The following OTUD7B variants were observed in gnomAD, a reference collection of about 807,000 sequenced individuals.
The protein encoded by OTUD7B is OTU domain-containing protein 7B.
OTUD7B carries 34 observed loss-of-function variants against 82.2 expected under a neutral mutation model. The observed-to-expected ratio is 0.41, with a 90% CI of 0.31 to 0.55. The LOEUF (loss-of-function observed/expected upper bound fraction) is 0.55. OTUD7B is among the 20% of genes least tolerant of loss of function. The pLI is 0.20. For missense variants in OTUD7B, 944 were observed against 1,062.1 expected (o/e 0.89, Z 1.55); for synonymous variants, 398 against 402.7 (o/e 0.99, Z 0.14).
intron 7 of OTUD7B, among the ~76,000 whole-genome samples, chr1:149,951,222 C>T (rs1028314962): frequency 6.6e-6 from 1 of 152,010 alleles, no homozygotes; most frequent in Non-Finnish European, 1.5e-5. Flanking sequence ...CCGCCCGCCT[C>T]GGCCTCCCAA....
At chr1:150,054,937 A>C in the OTUD7B span, 1 of 304,048 alleles carries the variant, frequency 3.3e-6, no homozygotes. Flanking sequence ...GGACTCACAG[A>C]TTTTAACCAA....
chr1:149,989,315 A>G (rs1354266018), intron 1 of OTUD7B, among the ~76,000 whole-genome samples: 5 of 152,006 alleles, frequency 3.3e-5, no homozygotes, highest in Non-Finnish European at 5.9e-5. Flanking sequence ...TTCACTAAAA[A>G]TACAAAAATT....
intron 1 of OTUD7B, among the ~76,000 whole-genome samples, chr1:149,982,815 A>T: frequency 7.9e-6 from 1 of 126,028 alleles, no homozygotes. Flanking sequence ...CCACAACCTC[A>T]TCTCCTTCCA....
chr1:149,990,847 C>T (rs915570212), intron 1 of OTUD7B, among the ~76,000 whole-genome samples: 1 of 152,020 alleles, frequency 6.6e-6, no homozygotes, highest in East Asian at 1.9e-4. Flanking sequence ...AAAAATTAGC[C>T]AGGCATGGTG....
chr1:149,962,319 A>G (rs1382143563), intron 6 of OTUD7B: 1 of 152,160 alleles, frequency 6.6e-6, no homozygotes, highest in Non-Finnish European at 1.5e-5. Context: ...GGAAATCAAA[A>G]CTTATTTAGT....
the OTUD7B span, among the ~76,000 whole-genome samples, chr1:150,060,591 A>G: frequency 2.8e-4 from 42 of 152,234 alleles, no homozygotes; most frequent in African/African-American, 1.0e-3. Context: ...AGCATCTGAC[A>G]TACAAGATAT....
At chr1:150,065,175 G>A in the OTUD7B span, among the ~76,000 whole-genome samples, 1 of 151,886 alleles carries the variant, frequency 6.6e-6, no homozygotes, top group African/African-American at 2.4e-5. Context: ...GGGCTCAGGT[G>A]ATCCTCCCAT....
intron 1 of OTUD7B, among the ~76,000 whole-genome samples, chr1:150,008,747 G>T (rs987751818): frequency 1.3e-5 from 2 of 152,160 alleles, no homozygotes; most frequent in African/African-American, 2.4e-5. Flanking sequence ...TTGGCAGAAA[G>T]GTGGTGATAA....
intron 7 of OTUD7B, among the ~76,000 whole-genome samples, chr1:149,955,987 C>T (rs923185549): frequency 3.9e-5 from 6 of 152,104 alleles, no homozygotes; most frequent in Non-Finnish European, 5.9e-5. Context: ...ACTCTTTATC[C>T]AATTTGCCAG....
At chr1:150,003,269 T>G (rs1420651826) in intron 1 of OTUD7B, among the ~76,000 whole-genome samples, 4 of 146,088 alleles carry the variant, frequency 2.7e-5, no homozygotes, top group Admixed American at 6.8e-5. Context: ...AAAAAAAAGA[T>G]AAAAACTCTG....
At chr1:149,954,356 T>C (rs1648497312) in intron 7 of OTUD7B, among the ~76,000 whole-genome samples, 1 of 152,218 alleles carries the variant, frequency 6.6e-6, no homozygotes, top group Non-Finnish European at 1.5e-5. Context: ...TGTTTATTGA[T>C]TTACGTATGT....
chr1:150,035,192 G>A, the OTUD7B span, among the ~76,000 whole-genome samples: 2 of 150,780 alleles, frequency 1.3e-5, no homozygotes, highest in African/African-American at 4.9e-5. Flanking sequence ...ACAGTACACT[G>A]CATAACTGAT....
At chr1:149,950,980 T>TTTTTG (rs1648188754) in intron 7 of OTUD7B, among the ~76,000 whole-genome samples, 1 of 232 alleles carries the variant, frequency 4.3e-3, no homozygotes, top group East Asian at 0.042. Flanking sequence ...TTTTTGTATT[T>TTTTTG]TTTTTTTTTT....
At position 149,938,176 on chromosome 1, in the gene OTUD7B, A is replaced by C. The variant is rs2092738699; in HGVS notation, c.*5681T>G. 1 of 152,200 alleles carries C rather than the reference A, an allele frequency of 6.6e-6. No individual in the cohort carries two copies. The highest frequency in any genetic ancestry group is 6.5e-5 in the Admixed American group (1 of 15,272). The allele number at this position is 152,200 out of a possible 1,614,324, so 9.4% of individuals were successfully genotyped here. A position where few individuals can be genotyped will look rare whatever the true frequency, so the allele number is the denominator to read the frequency against. On this transcript the variant is annotated 3_prime_UTR_variant, in exon 12 of 12. Coordinates refer to ENST00000581312, the MANE Select transcript of OTUD7B (RefSeq NM_020205.4). Reference sequence around the variant, plus strand: ...CCAAGGTCTGTTGTAAAAAGAAAATAGGGACCAGGCGCAGTGGCTCACGCC... The same window carrying C: ...CCAAGGTCTGTTGTAAAAAGAAAATCGGGACCAGGCGCAGTGGCTCACGCC...
At position 149,964,328 on chromosome 1, in the gene OTUD7B, C is replaced by A. The variant is rs1214554026; in HGVS notation, c.626G>T (p.Arg209Leu). 1.2e-6 allele frequency: 2 copies of A among 1,613,714 alleles called. No homozygotes were observed. Among genetic ancestry groups the A allele is most frequent in the Non-Finnish European group, 1.7e-6 (2 of 1,179,872 alleles). The change falls in exon 6 of 12, where the codon CGG becomes CTG. Residue 209 changes from arginine (R) to leucine (L), a missense_variant. Arg to Leu is a moderately radical substitution (Grantham distance 102). Coordinates refer to ENST00000581312, the MANE Select transcript of OTUD7B (RefSeq NM_020205.4). ...CAAAGCTTTCCGCAGCATCAAGTCC[C>A]GATCATGGAAACCCCACATTCCTGT... ...ASLGMWGFHD[R>L]DLMLRKALYA...
chr1:150,061,095 T>C, the OTUD7B span, among the ~76,000 whole-genome samples: 10 of 152,178 alleles, frequency 6.6e-5, no homozygotes, highest in Admixed American at 6.5e-4. Context: ...TCTCCTTGTG[T>C]TGTCCTGGCT....
chr1:149,982,841 C>CTTTTT lies in OTUD7B; in HGVS notation c.-66-5270_-66-5266dup, dbSNP rs34122678. Among the ~76,000 whole-genome samples the CTTTTT allele has an allele frequency of 6.8e-3, 572 of 84,148 alleles. 65 individuals carry two copies. The highest frequency in any genetic ancestry group is 0.027 in the African/African-American group (527 of 19,866). 55.2% of individuals were successfully genotyped at this position (84,148 alleles called of 152,430 possible). A position where few individuals can be genotyped will look rare whatever the true frequency, so the allele number is the denominator to read the frequency against. On this transcript the variant is annotated intron_variant, in intron 1 of 11. Coordinates refer to ENST00000581312, the MANE Select transcript of OTUD7B (RefSeq NM_020205.4). ...TCTCCTTCCAGCTTCTCCTCTCTTA[C>CTTTTT]TTTTTTTTTTTTTTTTTTTTTTTAA...
chr1:150,059,197 G>A, the OTUD7B span, among the ~76,000 whole-genome samples: 1 of 147,526 alleles, frequency 6.8e-6, no homozygotes, highest in Non-Finnish European at 1.5e-5. Flanking sequence ...GGGATTACAG[G>A]TGCCTGCCAC....
chr1:150,003,133 C>T (rs1396325043), intron 1 of OTUD7B, among the ~76,000 whole-genome samples: 2 of 151,918 alleles, frequency 1.3e-5, no homozygotes, highest in African/African-American at 2.4e-5. Flanking sequence ...GCCTGTAGTC[C>T]CAGCAACTCG....
Sources: allele counts gnomAD v4.1 joint callset (sites outside exome capture counted in the v4.1 genomes callset), GRCh38; gene constraint gnomAD v4.1.1; transcripts MANE v1.5; gene names NCBI Gene and HGNC (gene_info 2026-07-23, HGNC 2026-07-21).